The following DPYSL3 variants were observed in gnomAD, a reference collection of about 807,000 sequenced individuals.
DPYSL3 encodes dihydropyrimidinase like 3.
Under a neutral mutation model 66.1 loss-of-function variants are expected in DPYSL3, and 16 were observed. The ratio of observed to expected loss-of-function variants is 0.24; its 90% CI spans 0.16 to 0.37. DPYSL3 has a LOEUF of 0.37. Ranked by LOEUF, DPYSL3 falls within the 10% of genes least tolerant of loss-of-function variation. DPYSL3 has a pLI of 1.00. For synonymous variants in DPYSL3, 338 were observed against 345.1 expected (o/e 0.98, Z 0.23); for missense variants, 738 against 916.2 (o/e 0.81, Z 2.51).
chr5:147,463,244 A>G (rs1752961489), intron 1 of DPYSL3, among the ~76,000 whole-genome samples: 1 of 152,148 alleles, frequency 6.6e-6, no homozygotes. Flanking sequence ...CATCTTGGTG[A>G]GTAGAGCAAG....
chr5:147,439,033 TTGACAAC>T (rs1320116333), intron 1 of DPYSL3, among the ~76,000 whole-genome samples: 3 of 152,352 alleles, frequency 2.0e-5, no homozygotes, highest in South Asian at 4.1e-4. Context: ...CCCTGTTTCC[TTGACAAC>T]TGTTCTCGCC....
chr5:147,401,696 C>T lies in DPYSL3; in HGVS notation c.1154G>A (p.Gly385Glu). ...GATGGGCTCACCAAAGACTACATTT[C>T]CTAGAAGGGGCAGGAAACAGACAAG... The part of the protein sequence containing the change: ...ADLISQARKK[G>E]NVVFGEPITA... The change falls in exon 9 of 14, where the codon GGA becomes GAA. Residue 385 changes from glycine to glutamate, a missense_variant and splice_region_variant. Coordinates refer to ENST00000343218, the MANE Select transcript of DPYSL3 (RefSeq NM_001197294.2). 6.2e-7 allele frequency: 1 copy of T among 1,613,988 alleles called. No individual in the cohort carries two copies. Among genetic ancestry groups the T allele is most frequent in the Non-Finnish European group, 8.5e-7 (1 of 1,180,008 alleles).
intron 1 of DPYSL3, chr5:147,453,662 G>C: frequency 6.7e-7 from 1 of 1,482,674 alleles, no homozygotes; most frequent in Non-Finnish European, 9.0e-7. Flanking sequence ...CTTCCTCAGC[G>C]CACAGCGCCC....
intron 1 of DPYSL3, among the ~76,000 whole-genome samples, chr5:147,499,072 T>A (rs1048238401): frequency 6.6e-6 from 1 of 152,188 alleles, no homozygotes; most frequent in Non-Finnish European, 1.5e-5. Flanking sequence ...ATTTCACTCT[T>A]TAATCCATCT....
intron 5 of DPYSL3, 140 bp downstream of exon 5, chr5:147,413,456 C>T (rs1242572971): frequency 3.0e-6 from 2 of 663,504 alleles, no homozygotes; most frequent in Non-Finnish European, 5.4e-6. Flanking sequence ...GTAGCGTGGA[C>T]TGCAAAGGCT....
chr5:147,492,820 T>A (rs941067126), intron 1 of DPYSL3, among the ~76,000 whole-genome samples: 1 of 152,092 alleles, frequency 6.6e-6, no homozygotes, highest in Non-Finnish European at 1.5e-5. Flanking sequence ...ACGGTATATA[T>A]CCATCTATAA....
At chr5:147,448,263 A>T (rs1247286466) in intron 1 of DPYSL3, among the ~76,000 whole-genome samples, 1 of 152,016 alleles carries the variant, frequency 6.6e-6, no homozygotes, top group African/African-American at 2.4e-5. Flanking sequence ...TACAGAGTTC[A>T]ATTAATTTAG....
At chr5:147,492,513 A>G (rs372006028) in intron 1 of DPYSL3, among the ~76,000 whole-genome samples, 1 of 152,156 alleles carries the variant, frequency 6.6e-6, no homozygotes, top group South Asian at 2.1e-4. Context: ...AATGAAAGTG[A>G]TGATACAAGA....
intron 12 of DPYSL3, among the ~76,000 whole-genome samples, chr5:147,397,284 G>C (rs548278653): frequency 6.6e-6 from 1 of 151,972 alleles, no homozygotes; most frequent in Non-Finnish European, 1.5e-5. Context: ...GTTTGCCCCT[G>C]TGGAGCAGCA....
intron 1 of DPYSL3, among the ~76,000 whole-genome samples, chr5:147,469,862 G>A (rs1220396154): frequency 6.6e-6 from 1 of 152,174 alleles, no homozygotes; most frequent in Non-Finnish European, 1.5e-5. Flanking sequence ...ATCCACAAGC[G>A]CCTCAGTTAC....
chr5:147,483,044 C>T (rs1410823088), intron 1 of DPYSL3, among the ~76,000 whole-genome samples: 2 of 152,172 alleles, frequency 1.3e-5, no homozygotes, highest in Non-Finnish European at 2.9e-5. Context: ...TCTCGCTTGA[C>T]ACGTTGGGAT....
chr5:147,460,997 GTCC>G (rs1752922408), intron 1 of DPYSL3, among the ~76,000 whole-genome samples: 1 of 152,182 alleles, frequency 6.6e-6, no homozygotes, highest in South Asian at 2.1e-4. Flanking sequence ...GAGTAAAAGA[GTCC>G]TCATCAAGGC....
At chr5:147,401,094 G>C (rs1758162468) in intron 9 of DPYSL3, among the ~76,000 whole-genome samples, 1 of 152,180 alleles carries the variant, frequency 6.6e-6, no homozygotes, top group African/African-American at 2.4e-5. Context: ...GCAATGTCAT[G>C]ATCCTATATG....
intron 6 of DPYSL3, among the ~76,000 whole-genome samples, 167 bp downstream of exon 6, chr5:147,412,441 C>CTCTTT (rs139428696): frequency 0.05 from 7,606 of 152,246 alleles, 457 homozygotes; most frequent in East Asian, 0.19. Context: ...ACATTCCCCT[C>CTCTTT]TGTTTCTTCC....
At chr5:147,457,475 A>G (rs1752870800) in intron 1 of DPYSL3, among the ~76,000 whole-genome samples, 2 of 152,218 alleles carry the variant, frequency 1.3e-5, no homozygotes, top group African/African-American at 4.8e-5. Context: ...CTTTTCTGGA[A>G]CTAAAGGGCA....
At chr5:147,453,827 C>G in intron 1 of DPYSL3, 3 of 1,089,906 alleles carry the variant, frequency 2.8e-6, no homozygotes, top group Non-Finnish European at 3.5e-6. Flanking sequence ...CTCCTCCACC[C>G]GCGTTCACGC....
intron 1 of DPYSL3, among the ~76,000 whole-genome samples, chr5:147,506,253 C>A (rs918581475): frequency 6.6e-6 from 1 of 151,844 alleles, no homozygotes. Flanking sequence ...AAAATAAAAT[C>A]CTATAGTTAA....
chr5:147,464,014 A>G (rs1412751570), intron 1 of DPYSL3, among the ~76,000 whole-genome samples: 1 of 151,584 alleles, frequency 6.6e-6, no homozygotes, highest in African/African-American at 2.4e-5. Flanking sequence ...ACATGAGACC[A>G]ATGGGCCCAC....
intron 1 of DPYSL3, chr5:147,453,497 C>A (rs564103225): frequency 1.2e-4 from 182 of 1,508,502 alleles, no homozygotes; most frequent in Non-Finnish European, 1.5e-4. Context: ...GCCCGCAGCG[C>A]AGCGGACAGG....
Sources: gnomAD v4.1 joint callset for allele counts (sites outside exome capture counted in the v4.1 genomes callset) on GRCh38, gnomAD v4.1.1 for gene constraint, MANE v1.5 for transcripts, NCBI Gene and HGNC (gene_info 2026-07-23, HGNC 2026-07-21) for gene names.